The following RELN variants were observed in gnomAD, a reference collection of about 807,000 sequenced individuals.
RELN encodes the protein reelin.
Under a neutral mutation model 427.6 loss-of-function variants are expected in RELN, and 108 were observed. The ratio of observed to expected loss-of-function variants is 0.25; its 90% CI spans 0.22 to 0.30. The LOEUF is 0.30. Ranked by LOEUF, RELN falls within the 10% of genes least tolerant of loss-of-function variation. RELN has a pLI of 1.00. For missense variants in RELN, 3,715 were observed against 4,302.8 expected, an observed-to-expected ratio of 0.86 and a Z score of 3.82; for synonymous variants, 1,524 against 1,513.4, an observed-to-expected ratio of 1.01 and a Z score of -0.16.
At chr7:103,729,495 A>G (rs1285712750) in intron 6 of RELN, among the ~76,000 whole-genome samples, 2 of 152,206 alleles carry the variant, frequency 1.3e-5, no homozygotes, top group Admixed American at 1.3e-4. Context: ...GAAGATCAAC[A>G]GTGCCAAGTA....
intron 3 of RELN, among the ~76,000 whole-genome samples, chr7:103,816,388 A>G (rs1792869936): frequency 6.6e-6 from 1 of 152,196 alleles, no homozygotes; most frequent in South Asian, 2.1e-4. Context: ...CAAAAAAAAG[A>G]TGTTGCATTA....
chr7:103,570,965 T>C (rs561316593), intron 31 of RELN, among the ~76,000 whole-genome samples: 1 of 152,306 alleles, frequency 6.6e-6, no homozygotes, highest in South Asian at 2.1e-4. Flanking sequence ...AGATTCTTAA[T>C]AAATATTTAT....
At chr7:103,885,012 C>A (rs1794692645) in intron 2 of RELN, among the ~76,000 whole-genome samples, 1 of 152,118 alleles carries the variant, frequency 6.6e-6, no homozygotes, top group Admixed American at 6.5e-5. Flanking sequence ...TTCACAATAG[C>A]AAAGACTTGG....
chr7:103,827,692 T>C (rs1375156198), intron 3 of RELN, among the ~76,000 whole-genome samples: 6 of 151,992 alleles, frequency 3.9e-5, no homozygotes, highest in African/African-American at 1.4e-4. Context: ...CCTAGCTGTT[T>C]ACCTTTAAGG....
intron 51 of RELN, among the ~76,000 whole-genome samples, chr7:103,507,892 AATACT>A (rs1829269296): frequency 3.9e-5 from 6 of 152,242 alleles, no homozygotes; most frequent in Admixed American, 3.3e-4. Flanking sequence ...ACCGTCAGAG[AATACT>A]ATAAACACCT....
chr7:103,872,106 A>C (rs1262214432), intron 2 of RELN, among the ~76,000 whole-genome samples: 1 of 140,074 alleles, frequency 7.1e-6, no homozygotes, highest in African/African-American at 2.6e-5. Context: ...GTACATGTGC[A>C]CATTGTGCAG....
At chr7:103,518,509 T>C (rs1032679073) in intron 49 of RELN, among the ~76,000 whole-genome samples, 1 of 147,040 alleles carries the variant, frequency 6.8e-6, no homozygotes, top group South Asian at 2.2e-4. Flanking sequence ...ATTTAAGTTT[T>C]TTTTTTTTTT....
At chr7:103,678,698 T>C (rs933249338) in intron 11 of RELN, among the ~76,000 whole-genome samples, 15 of 152,216 alleles carry the variant, frequency 9.9e-5, no homozygotes, top group Non-Finnish European at 1.9e-4. Flanking sequence ...TTTTTCTCTG[T>C]CATGATTCTT....
chr7:103,651,840 C>A, intron 14 of RELN, 51 bp from the exon 15 acceptor site: 1 of 1,590,224 alleles, frequency 6.3e-7, no homozygotes, highest in Non-Finnish European at 8.6e-7. Flanking sequence ...GTAAAGATAA[C>A]AAATCAAATG....
intron 1 of RELN, among the ~76,000 whole-genome samples, chr7:103,972,642 A>G (rs1207212170): frequency 6.6e-6 from 1 of 152,196 alleles, no homozygotes; most frequent in East Asian, 1.9e-4. Context: ...AAAGACTCCT[A>G]AAGTTTGACA....
At chr7:103,774,280 G>C (rs1584482724) in intron 4 of RELN, among the ~76,000 whole-genome samples, 2 of 133,828 alleles carry the variant, frequency 1.5e-5, no homozygotes, top group Admixed American at 1.6e-4. Flanking sequence ...CTGGGTGACA[G>C]AGCAAGACTT....
chr7:103,502,884 G>A (rs1477655318), intron 52 of RELN, 132 bp downstream of exon 52: 3 of 780,726 alleles, frequency 3.8e-6, no homozygotes, highest in South Asian at 3.0e-5. Context: ...ACCAATTAGA[G>A]AACCTTTAGA....
chr7:103,739,994 C>T (rs1201526161), intron 6 of RELN, among the ~76,000 whole-genome samples: 2 of 152,138 alleles, frequency 1.3e-5, no homozygotes, highest in African/African-American at 2.4e-5. Flanking sequence ...GCTGTGTGGA[C>T]TAGTCACCAG....
chr7:103,482,786 A>G, intron 63 of RELN, 87 bp downstream of exon 63: 1 of 1,603,886 alleles, frequency 6.2e-7, no homozygotes, highest in South Asian at 1.1e-5. Context: ...TCAAAAACGG[A>G]TCTTACTGAA....
In RELN at chr7:103,647,536, G is replaced by GAA. The variant is rs34084589; in HGVS notation, c.2002+2736_2002+2737dup. Among the ~76,000 whole-genome samples the GAA allele has an allele frequency of 9.2e-3, 1,330 of 144,118 alleles. 12 individuals carry two copies. The highest frequency in any genetic ancestry group is 0.028 in the African/African-American group (1,113 of 39,288). The allele number at this position is 144,118 out of a possible 152,430, so 94.5% of individuals were successfully genotyped here. ...ACAAGAGAAACTATGAAACACTGATGAAAAAAAAAAAACTGTAGGACAAAA... is the reference window on the plus strand; with the variant it reads ...ACAAGAGAAACTATGAAACACTGATGAAAAAAAAAAAAAACTGTAGGACAAAA... On this transcript the variant is annotated intron_variant, in intron 16 of 64. Coordinates refer to ENST00000428762, the MANE Select transcript of RELN (RefSeq NM_005045.4).
At chr7:103,941,367 T>C (rs1796110751) in intron 1 of RELN, among the ~76,000 whole-genome samples, 1 of 152,196 alleles carries the variant, frequency 6.6e-6, no homozygotes, top group Non-Finnish European at 1.5e-5. Flanking sequence ...TCGAAGGGCA[T>C]GGAAGAATAC....
chr7:103,489,181 G>A (rs912395929), intron 60 of RELN, among the ~76,000 whole-genome samples: 2 of 146,560 alleles, frequency 1.4e-5, no homozygotes, highest in Non-Finnish European at 3.0e-5. Flanking sequence ...GAGTGAAAAT[G>A]TATTTCTTTG....
In RELN at chr7:103,636,359, A is replaced by G. The variant is rs1170512230; in HGVS notation, c.2179T>C (p.Tyr727His). 1.9e-6 allele frequency: 3 copies of G among 1,613,816 alleles called. No individual in the cohort carries two copies. The African/African-American group carries it at 4.0e-5, about 22-fold the overall frequency. Residue 727 changes from tyrosine (Y) to histidine (H), a missense_variant, in exon 18 of 65, where the codon TAC becomes CAC. Tyr to His is a moderately conservative substitution (Grantham distance 83, BLOSUM62 2). Transcript: ENST00000428762. The stretch of plus-strand genomic sequence containing the variant: ...CTGACTTCAGCACCACGGATAGAGT[A>G]AAAGTTATGGTAAGAGGAGAGCCTG... ...SSRLSSYHNFYSIRGAEVSFG... is the reference protein window; with the variant it reads ...SSRLSSYHNFHSIRGAEVSFG...
chr7:103,556,488 T>C (rs1303413333), intron 38 of RELN, among the ~76,000 whole-genome samples: 1 of 152,084 alleles, frequency 6.6e-6, no homozygotes, highest in Non-Finnish European at 1.5e-5. Flanking sequence ...TGATACGGTT[T>C]GGCTCTGTGT....
Sources: allele counts gnomAD v4.1 joint callset (sites outside exome capture counted in the v4.1 genomes callset), GRCh38; gene constraint gnomAD v4.1.1; transcripts MANE v1.5; gene names NCBI Gene and HGNC (gene_info 2026-07-23, HGNC 2026-07-21).